TTC7A: variants seen among roughly 807,000 people sequenced by gnomAD.
The protein encoded by TTC7A is tetratricopeptide repeat domain 7A, also known as tetratricopeptide repeat protein 7A.
TTC7A carries 110 observed loss-of-function variants against 103.7 expected under a neutral mutation model. The observed-to-expected ratio is 1.06, with a 90% confidence interval of 0.91 to 1.24. The LOEUF (loss-of-function observed/expected upper bound fraction) is 1.24. Ranked by LOEUF, TTC7A falls within the 50% of genes most tolerant of loss-of-function variation. The pLI, the probability that TTC7A is intolerant of heterozygous loss-of-function variation, is 0.00. For synonymous variants in TTC7A, 521 were observed against 467.9 expected (o/e 1.11, Z -1.47); for missense variants, 1,340 against 1,116.3 (o/e 1.20, Z -2.86).
At chr2:46,956,673 G>A (rs1671880891) in intron 2 of TTC7A, 166 bp from the exon 3 acceptor site, 2 of 675,394 alleles carry the variant, frequency 3.0e-6, no homozygotes, top group Admixed American at 2.5e-5. Flanking sequence ...GACCATGGGT[G>A]AGAGCGGGGA....
rs1680266600 is a variant in TTC7A, at chr2:47,029,338, C to G, written c.1756C>G (p.Leu586Val). The change falls in exon 15 of 20, where the codon CTG becomes GTG. Residue 586 changes from leucine to valine, a missense_variant. Physicochemically the swap from Leu to Val is conservative, Grantham distance 32. Coordinates refer to ENST00000319190, the MANE Select transcript of TTC7A (RefSeq NM_020458.4). ...FSAQKHHQHA[L>V]DVVNMAITEH... ...TGCCCAGAAGCACCACCAGCATGCCCTGGATGTTGTCAACATGGCCATCAC... is the reference window on the plus strand; with the variant it reads ...TGCCCAGAAGCACCACCAGCATGCCGTGGATGTTGTCAACATGGCCATCAC... 1 of 1,614,106 alleles carries G rather than the reference C, an allele frequency of 6.2e-7. No homozygotes were observed. Among genetic ancestry groups the G allele is most frequent in the Non-Finnish European group, 8.5e-7 (1 of 1,180,038 alleles).
At chr2:47,002,971 C>G (rs1463747363) in intron 8 of TTC7A, among the ~76,000 whole-genome samples, 1 of 152,312 alleles carries the variant, frequency 6.6e-6, no homozygotes, top group African/African-American at 2.4e-5. Context: ...TATCACCAGC[C>G]TGAGGATTTG....
chr2:46,928,723 T>C lies in TTC7A; in HGVS notation c.82+11446T>C, dbSNP rs113343657. ...AGGTTGAGGCTGCAGTGAGCTGTGATTGCACTACTGCACTCCAGCGTGGGT... is the reference window on the plus strand; with the variant it reads ...AGGTTGAGGCTGCAGTGAGCTGTGACTGCACTACTGCACTCCAGCGTGGGT... On this transcript the variant is annotated intron_variant, in intron 2 of 20. Transcript: ENST00000409245. 2.4e-3 allele frequency among the ~76,000 whole-genome samples: 372 copies of C among 152,010 alleles called. 3 individuals carry two copies. The highest frequency in any genetic ancestry group is 8.3e-3 in the African/African-American group (342 of 41,440).
rs1680248366 is a variant in TTC7A at position 47,029,219 on chromosome 2, A to G, written c.1642-5A>G. 3.7e-6 allele frequency: 6 copies of G among 1,613,562 alleles called. No individual in the cohort carries two copies. The highest frequency in any genetic ancestry group is 3.4e-6 in the Non-Finnish European group (4 of 1,179,928). On this transcript the variant is annotated splice_region_variant and splice_polypyrimidine_tract_variant and intron_variant, in intron 14 of 19. Transcript: ENST00000319190. ...GAAGGCTAACCTGGCGGGTTCCTTC[A>G]ACAGATCTCCAGTGCCATGGAGCAG...
At chr2:46,920,428 C>A (rs1193740782) in intron 2 of TTC7A, among the ~76,000 whole-genome samples, 2 of 152,178 alleles carry the variant, frequency 1.3e-5, no homozygotes, top group East Asian at 3.9e-4. Context: ...CTCCTGGGTT[C>A]AAGCAGTTCT....
At chr2:47,022,640 C>A (rs192621416) in intron 12 of TTC7A, among the ~76,000 whole-genome samples, 185 of 152,172 alleles carry the variant, frequency 1.2e-3, no homozygotes, top group African/African-American at 4.2e-3. Context: ...TAGTAATCAG[C>A]CCATGCCCAC....
At chr2:46,979,846 G>C (rs994564635) in intron 5 of TTC7A, among the ~76,000 whole-genome samples, 8 of 152,198 alleles carry the variant, frequency 5.3e-5, no homozygotes, top group Admixed American at 2.6e-4. Context: ...ACCTTAGACA[G>C]ACACAGTGGG....
chr2:46,956,864 T>G lies in TTC7A; in HGVS notation c.374T>G (p.Leu125Arg), dbSNP rs367845612. 1 of 1,614,240 alleles carries G rather than the reference T, an allele frequency of 6.2e-7. No individual in the cohort carries two copies. The highest frequency in any genetic ancestry group is 2.2e-5 in the East Asian group (1 of 44,888). The change falls in exon 3 of 20, where the codon CTG (leucine) becomes CGG (arginine). Residue 125 changes from leucine to arginine, a missense_variant. Transcript: ENST00000319190. ...CCACAGTACATGTGTGAGGCCATGCTGATCCTGGGCAAACTGCATTACGTG... is the reference window on the plus strand; with the variant it reads ...CCACAGTACATGTGTGAGGCCATGCGGATCCTGGGCAAACTGCATTACGTG... ...LSPQYMCEAM[L>R]ILGKLHYVEG...
intron 17 of TTC7A, chr2:47,050,644 A>G (rs1682781333): frequency 1.3e-5 from 2 of 153,004 alleles, no homozygotes; most frequent in South Asian, 2.1e-4. Flanking sequence ...TGTAGACATG[A>G]GCCTTTCTGT....
At chr2:47,024,094 C>T (rs534776009) in intron 13 of TTC7A, among the ~76,000 whole-genome samples, 193 bp from the exon 14 acceptor site, 137 of 152,328 alleles carry the variant, frequency 9.0e-4, no homozygotes, top group African/African-American at 3.1e-3. Flanking sequence ...CCGTCCCTGC[C>T]TTGGGCTGCC....
At position 46,994,520 on chromosome 2, in the gene TTC7A, T is replaced by C; in HGVS notation, c.1001+6T>C. ...CACCTCTATGAAGGAGACAAGTAAG[T>C]TCTGCCTGCCCTGCTGCACCTTGCC... On this transcript the variant is annotated splice_donor_region_variant and intron_variant, in intron 7 of 19. Transcript: ENST00000319190. The C allele has an allele frequency of 6.2e-7, 1 of 1,613,564 alleles. No individual in the cohort carries two copies. The highest frequency in any genetic ancestry group is 1.1e-5 in the South Asian group (1 of 91,036).
At chr2:47,024,554 C>T (rs112803789) in intron 14 of TTC7A, among the ~76,000 whole-genome samples, 195 bp downstream of exon 14, 3 of 152,208 alleles carry the variant, frequency 2.0e-5, no homozygotes, top group South Asian at 4.2e-4. Context: ...TGGGTAAAGC[C>T]GTGGTGGGTA....
Position 47,074,243 on chromosome 2 carries a change from T to G in TTC7A, c.*320T>G. On this transcript the variant is annotated 3_prime_UTR_variant, in exon 20 of 20. Coordinates refer to ENST00000319190, the MANE Select transcript of TTC7A (RefSeq NM_020458.4). ...CTTCACCCTCACCCATGCCTCTGGC[T>G]TGGAGTCTGGGTGGGGGGTTCTCAC... 1 of 410,974 alleles carries G rather than the reference T, an allele frequency of 2.4e-6. No homozygotes were observed. The highest frequency in any genetic ancestry group is 4.5e-6 in the Non-Finnish European group (1 of 222,964). 25.5% of individuals were successfully genotyped at this position (410,974 alleles called of 1,614,324 possible).
intron 5 of TTC7A, among the ~76,000 whole-genome samples, chr2:46,990,701 G>A (rs1186550079): frequency 6.6e-6 from 1 of 152,186 alleles, no homozygotes. Context: ...TAGGGAGGCT[G>A]CCTCACTTTC....
chr2:47,073,715 G>T lies in TTC7A; in HGVS notation c.2369G>T (p.Ser790Ile). 5 of 1,613,820 alleles carry T rather than the reference G, an allele frequency of 3.1e-6. No individual in the cohort carries two copies. The highest frequency in any genetic ancestry group is 4.2e-6 in the Non-Finnish European group (5 of 1,180,016). Residue 790 changes from serine to isoleucine, a missense_variant, in exon 20 of 20, where the codon AGT (serine) becomes ATT (isoleucine). By Grantham distance (142) the Ser-to-Ile change is moderately radical. Coordinates refer to ENST00000319190, the MANE Select transcript of TTC7A (RefSeq NM_020458.4). ...RIMHSLGLML[S>I]RLGHKSLAQK... The stretch of plus-strand genomic sequence containing the variant: ...CTTCGTCCACAGGGTCTGATGCTGA[G>T]TCGGCTGGGCCACAAGAGCTTGGCC...
At chr2:47,068,091 C>T (rs977160930) in intron 19 of TTC7A, 5 of 152,322 alleles carry the variant, frequency 3.3e-5, no homozygotes, top group African/African-American at 9.6e-5. Context: ...CTTGGGTAAT[C>T]TGTGCCCGTT....
intron 3 of TTC7A, among the ~76,000 whole-genome samples, chr2:46,965,912 G>A (rs1256795687): frequency 2.0e-5 from 3 of 151,836 alleles, no homozygotes; most frequent in African/African-American, 2.4e-5. Flanking sequence ...TTACCTAAGA[G>A]GTTATTGTGA....
Position 47,073,942 on chromosome 2 carries a change from G to C in TTC7A, c.*19G>C. On this transcript the variant is annotated 3_prime_UTR_variant, in exon 20 of 20. Transcript: ENST00000319190. ...GCTCTGACGACGCTGCAGCCGCAGG[G>C]AGGGAGGGGCTGGCCAGAGGGAGAG... 1 of 1,598,924 alleles carries C rather than the reference G, an allele frequency of 6.3e-7. No homozygotes were observed. The highest frequency in any genetic ancestry group is 8.5e-7 in the Non-Finnish European group (1 of 1,171,372).
In TTC7A at chr2:47,013,220, C is replaced by A. The variant is rs547270647; in HGVS notation, c.1392+1785C>A. Among the ~76,000 whole-genome samples, 44 of 152,254 alleles carry A rather than the reference C, an allele frequency of 2.9e-4. 1 individual carries two copies. Among genetic ancestry groups the A allele is most frequent in the Admixed American group, 2.0e-3 (30 of 15,300 alleles). On this transcript the variant is annotated intron_variant, in intron 11 of 19. Transcript: ENST00000319190. ...GGATACAGGAGGGCCAAAACCAGGC[C>A]CTTGCATCACAGCTTGCTTTCCCCC... is the stretch of plus-strand genomic sequence containing the variant.
Sources: allele counts gnomAD v4.1 joint callset (sites outside exome capture counted in the v4.1 genomes callset), GRCh38; gene constraint gnomAD v4.1.1; transcripts MANE v1.5; gene names NCBI Gene and HGNC (gene_info 2026-07-23, HGNC 2026-07-21).